The following ZBTB4 variants were observed in gnomAD, a reference collection of about 807,000 sequenced individuals.
ZBTB4 encodes the protein zinc finger and BTB domain-containing protein 4.
Under a neutral mutation model 59.8 loss-of-function variants are expected in ZBTB4, and 14 were observed. The observed-to-expected ratio is 0.23, with a 90% CI of 0.15 to 0.37. The LOEUF (loss-of-function observed/expected upper bound fraction) is 0.37, where lower values mean the gene tolerates loss of function less well. Among genes scored for constraint, ZBTB4 ranks in the 10% least tolerant of loss-of-function variants. The pLI is 1.00. For synonymous variants in ZBTB4, 587 were observed against 575.2 expected (o/e 1.02, Z -0.29); for missense variants, 1,198 against 1,380.8 (o/e 0.87, Z 2.10).
At chr17:7,482,525 C>T, upstream of ZBTB4, 6 of 1,613,226 alleles carry the variant, frequency 3.7e-6, no homozygotes, top group Non-Finnish European at 4.2e-6. Flanking sequence ...CTGGACACTA[C>T]AGGAGGGGAT....
Position 7,472,670 on chromosome 17 carries a change from C to T in ZBTB4, c.-80-5343G>A, listed in dbSNP as rs1473294641. On this transcript the variant is annotated intron_variant, in intron 1 of 3. Transcript: ENST00000380599. ...TTTTTTTTTTTTTTTGAGATGAGGT[C>T]TCACTCCGTTGCCCAGGTTGGAGTG... Among the ~76,000 whole-genome samples, 4 of 104,860 alleles carry T rather than the reference C, an allele frequency of 3.8e-5. No homozygotes were observed. The East Asian group carries it at 9.9e-4, about 26-fold the overall frequency. The allele number at this position is 104,860 out of a possible 152,430, so 68.8% of individuals were successfully genotyped here. A position where few individuals can be genotyped will look rare whatever the true frequency, so the allele number is the denominator to read the frequency against.
rs758985221 is a variant in ZBTB4, at chr17:7,462,179, G to C, written c.2803C>G (p.Pro935Ala). The C allele has an allele frequency of 6.2e-7, 1 of 1,613,866 alleles. No individual in the cohort carries two copies. Among genetic ancestry groups the C allele is most frequent in the Non-Finnish European group, 8.5e-7 (1 of 1,179,910 alleles). ...VYGPQLLAAY[P>A]YNFSNLAALP... is the part of the protein sequence containing the mutation. ...GCGGCCAAGTTACTGAAGTTGTAAG[G>C]GTAGGCGGCAAGGAGCTGGGGGCCA... The change falls in exon 4 of 4, where the codon CCT becomes GCT. Residue 935 changes from proline to alanine, a missense_variant. Pro to Ala is a conservative substitution (Grantham distance 27, BLOSUM62 -1). Transcript: ENST00000380599. This position sits in a 1 kb window ranked among gnomAD's most constrained non-coding sequence, Gnocchi z 7.5.
intron 1 of ZBTB4, among the ~76,000 whole-genome samples, chr17:7,469,738 T>C (rs986318118): frequency 4.7e-5 from 7 of 147,688 alleles, no homozygotes; most frequent in Non-Finnish European, 7.5e-5. Context: ...TGGAGATCAA[T>C]CCAGGCTGGG....
chr17:7,467,814 T>G (rs2070148370), intron 1 of ZBTB4, among the ~76,000 whole-genome samples: 1 of 152,200 alleles, frequency 6.6e-6, no homozygotes, highest in South Asian at 2.1e-4. Context: ...GATATTCAAA[T>G]TAGGAGAGGA....
At chr17:7,465,608 A>G (rs1396068269) in intron 3 of ZBTB4, 103 bp downstream of exon 3, 1 of 1,446,380 alleles carries the variant, frequency 6.9e-7, no homozygotes, top group Non-Finnish European at 9.1e-7. Flanking sequence ...GCCTAGTTTC[A>G]GGATAACTTT....
At chr17:7,475,322 CAA>C (rs1161753269) in intron 1 of ZBTB4, among the ~76,000 whole-genome samples, 1 of 151,748 alleles carries the variant, frequency 6.6e-6, no homozygotes, top group Admixed American at 6.6e-5. Context: ...GCCTGGGTAA[CAA>C]GAGAGAAATT....
Position 7,466,791 on chromosome 17 carries a change from G to A in ZBTB4, c.11C>T (p.Pro4Leu), listed in dbSNP as rs1006577029. MPP[P>L]AEVTDPSHAP... ...ATGGGACGGGTCCGTCACCTCTGCA[G>A]GGGGGGGCATGGTGCCAGCCTAGAC... Residue 4 changes from proline (P) to leucine (L), a missense_variant, in exon 3 of 4, where the codon CCT (proline) becomes CTT (leucine). Coordinates refer to ENST00000380599, the MANE Select transcript of ZBTB4 (RefSeq NM_001128833.2). The surrounding 1 kb of genome is among the most constrained non-coding windows in gnomAD (Gnocchi z 9.1). 6.4e-7 allele frequency: 1 copy of A among 1,555,654 alleles called. No homozygotes were observed. The highest frequency in any genetic ancestry group is 1.2e-5 in the South Asian group (1 of 84,186).
chr17:7,462,059 G>C lies in ZBTB4; in HGVS notation c.2923C>G (p.Gln975Glu), dbSNP rs1244700306. Residue 975 changes from glutamine (Q) to glutamate (E), a missense_variant, in exon 4 of 4, where the codon CAA (glutamine) becomes GAA (glutamate). Gln to Glu is a conservative substitution (Grantham distance 29). This residue lies in a region of ZBTB4 where 211 missense variants were observed against 236.1 expected (regional missense o/e 0.89). Coordinates refer to ENST00000380599, the MANE Select transcript of ZBTB4 (RefSeq NM_001128833.2). This position sits in a 1 kb window ranked among gnomAD's most constrained non-coding sequence, Gnocchi z 7.5. The stretch of plus-strand genomic sequence containing the variant: ...GTTGGTGGGGCAGGGGGTGCTGCTT[G>C]AGGATTCACTGCGTAGCCAAAGACC... Reference protein sequence around the residue: ...PGVFGYAVNPQAAPPAPPTPP... With the variant: ...PGVFGYAVNPEAAPPAPPTPP... 1.3e-6 allele frequency: 2 copies of C among 1,599,858 alleles called. No homozygotes were observed. The highest frequency in any genetic ancestry group is 1.7e-6 in the Non-Finnish European group (2 of 1,172,782).
upstream of ZBTB4, chr17:7,482,694 G>A: frequency 6.2e-7 from 1 of 1,612,034 alleles, no homozygotes; most frequent in African/African-American, 1.3e-5. Context: ...TCTGTGCCAG[G>A]CCTCTTTGTG....
intron 1 of ZBTB4, among the ~76,000 whole-genome samples, chr17:7,477,041 G>A (rs996671665): frequency 2.0e-5 from 3 of 152,208 alleles, no homozygotes; most frequent in African/African-American, 7.2e-5. Flanking sequence ...CTTGAAAAAG[G>A]GAGGTAGAGT....
upstream of ZBTB4, chr17:7,482,191 G>A (rs753760826): frequency 5.6e-6 from 9 of 1,613,836 alleles, no homozygotes; most frequent in South Asian, 1.1e-5. Flanking sequence ...ACCTGCCCTC[G>A]CTGGAGCTGC....
rs745973383 is a variant in ZBTB4 at position 7,465,952 on chromosome 17, A to G, written c.850T>C (p.Ser284Pro). 6.2e-7 allele frequency: 1 copy of G among 1,604,596 alleles called. No individual in the cohort carries two copies. Among genetic ancestry groups the G allele is most frequent in the Non-Finnish European group, 8.5e-7 (1 of 1,173,792 alleles). Residue 284 changes from serine (S) to proline (P), a missense_variant, in exon 3 of 4, where the codon TCA (serine) becomes CCA (proline). By Grantham distance (74) the Ser-to-Pro change is moderately conservative. This residue lies in a region of ZBTB4 where 204 missense variants were observed against 205.5 expected (regional missense o/e 0.99). Coordinates refer to ENST00000380599, the MANE Select transcript of ZBTB4 (RefSeq NM_001128833.2). Reference protein sequence around the residue: ...GPGGPAGVDASALPPPVGFRG... With the variant: ...GPGGPAGVDAPALPPPVGFRG... ...AAGCCCACTGGTGGAGGCAGGGCTG[A>G]GGCGTCCACCCCTGCAGGACCACCA...
chr17:7,471,024 A>C (rs1325371578), intron 1 of ZBTB4, among the ~76,000 whole-genome samples: 1 of 152,068 alleles, frequency 6.6e-6, no homozygotes, highest in Non-Finnish European at 1.5e-5. Context: ...CTGCACAACC[A>C]TATGTGGTGG....
chr17:7,462,628 T>G lies in ZBTB4; in HGVS notation c.2354A>C (p.Gln785Pro). ...KTAAALSRHG[Q>P]RHAAERPGGT... ...CCCGGGCCGCTCAGCAGCATGCCTC[T>G]GCCCGTGGCGGCTCAGGGCAGCTGC... is the stretch of plus-strand genomic sequence containing the variant. The change falls in exon 4 of 4, where the codon CAG becomes CCG. Residue 785 changes from glutamine (Q) to proline (P), a missense_variant. By Grantham distance (76) the Gln-to-Pro change is moderately conservative. Around this residue, in one of 9 missense-constraint regions of ZBTB4, gnomAD observed 550 missense variants for 541.8 expected, o/e 1.02. Transcript: ENST00000380599. This position sits in a 1 kb window ranked among gnomAD's most constrained non-coding sequence, Gnocchi z 7.5. 1 of 1,608,828 alleles carries G rather than the reference T, an allele frequency of 6.2e-7. No homozygotes were observed. Among genetic ancestry groups the G allele is most frequent in the Non-Finnish European group, 8.5e-7 (1 of 1,177,826 alleles).
At position 7,462,134 on chromosome 17, in the gene ZBTB4, T is replaced by C. The variant is rs1395754066; in HGVS notation, c.2848A>G (p.Met950Val). 2.5e-6 allele frequency: 4 copies of C among 1,613,566 alleles called. No individual in the cohort carries two copies. The highest frequency in any genetic ancestry group is 1.6e-4 in the Middle Eastern group (1 of 6,080). The change falls in exon 4 of 4, where the codon ATG becomes GTG. Residue 950 changes from methionine (M) to valine (V), a missense_variant. By Grantham distance (21) the Met-to-Val change is conservative. Coordinates refer to ENST00000380599, the MANE Select transcript of ZBTB4 (RefSeq NM_001128833.2). The surrounding 1 kb of genome is among the most constrained non-coding windows in gnomAD (Gnocchi z 7.5). ...GCACCCTTCTCATCAGGTAGGACCA[T>C]GTTGAGAGCAACCGGGAGAGCGGCC... ...NLAALPVALN[M>V]VLPDEKGAGA...
In ZBTB4 at chr17:7,463,131, G is replaced by A. The variant is rs1403900684; in HGVS notation, c.1851C>T (p.Arg617=). ...RIGEEAIVKR[R]ISETDLRPGE... is the part of the protein sequence containing the mutation. ...CAGGACGCAGGTCAGTCTCTGAGAT[G>A]CGGCGCTTGACGATGGCCTCCTCCC... is the stretch of plus-strand genomic sequence containing the variant. The change falls in exon 4 of 4, where the codon CGC becomes CGT. Residue 617 remains arginine, a synonymous_variant. Coordinates refer to ENST00000380599, the MANE Select transcript of ZBTB4 (RefSeq NM_001128833.2). 6.2e-7 allele frequency: 1 copy of A among 1,608,942 alleles called. No homozygotes were observed.
upstream of ZBTB4, chr17:7,482,813 G>A (rs143374042): frequency 1.2e-3 from 1,889 of 1,612,034 alleles, 8 homozygotes; most frequent in African/African-American, 0.019. Context: ...GGTCACCAAG[G>A]CCCACCCTGC....
rs1468673344 is a variant in ZBTB4, at chr17:7,479,557, T to A, written c.-182A>T. On this transcript the variant is annotated 5_prime_UTR_variant, in exon 1 of 4. Coordinates refer to ENST00000380599, the MANE Select transcript of ZBTB4 (RefSeq NM_001128833.2). Reference sequence around the variant, plus strand: ...CTCCAGCTCCGGCTCCGGCTCCAGCTCCGGCCCTGGCCCCCCCAGCGCCTG... The same window carrying A: ...CTCCAGCTCCGGCTCCGGCTCCAGCACCGGCCCTGGCCCCCCCAGCGCCTG... 1 of 165,668 alleles carries A rather than the reference T, an allele frequency of 6.0e-6. No individual in the cohort carries two copies. Among genetic ancestry groups the A allele is most frequent in the Non-Finnish European group, 1.3e-5 (1 of 79,830 alleles). The allele number at this position is 165,668 out of a possible 1,614,324, so 10.3% of individuals were successfully genotyped here. A position where few individuals can be genotyped will look rare whatever the true frequency, so the allele number is the denominator to read the frequency against.
chr17:7,482,153 C>T, upstream of ZBTB4: 1 of 1,614,182 alleles, frequency 6.2e-7, no homozygotes, highest in African/African-American at 1.3e-5. Context: ...CGTGGGCCCC[C>T]TTTCTCATAT....
Sources: allele counts gnomAD v4.1 joint callset (sites outside exome capture counted in the v4.1 genomes callset), GRCh38; gene constraint gnomAD v4.1.1; regional missense constraint gnomAD v4.1.1; non-coding constraint Gnocchi (gnomAD v3.1); transcripts MANE v1.5; gene names NCBI Gene and HGNC (gene_info 2026-07-23, HGNC 2026-07-21).